The following BCAT1 variants were observed in gnomAD, a reference collection of about 807,000 sequenced individuals.
The protein encoded by BCAT1 is branched-chain-amino-acid aminotransferase, cytosolic.
Under a neutral mutation model 52.4 loss-of-function variants are expected in BCAT1, and 48 were observed. The ratio of observed to expected loss-of-function variants is 0.92; its 90% confidence interval spans 0.73 to 1.16. The LOEUF (loss-of-function observed/expected upper bound fraction) is 1.16, where lower values mean the gene tolerates loss of function less well. Among genes scored for constraint, BCAT1 ranks in the 50% most tolerant of loss-of-function variants. The pLI, the probability that BCAT1 is intolerant of heterozygous loss-of-function variation, is 0.00. For missense variants in BCAT1, 451 were observed against 457.1 expected (o/e 0.99, Z 0.12); for synonymous variants, 167 against 161.3 (o/e 1.04, Z -0.27).
chr12:24,914,268 A>G (rs1327230382), intron 1 of BCAT1, among the ~76,000 whole-genome samples: 1 of 151,968 alleles, frequency 6.6e-6, no homozygotes, highest in Non-Finnish European at 1.5e-5. Context: ...TTTTTGGTAG[A>G]GACAGGGTTT....
At chr12:24,902,131 G>T (rs768448348) in intron 1 of BCAT1, 345 of 1,448,726 alleles carry the variant, frequency 2.4e-4, no homozygotes, top group Non-Finnish European at 2.9e-4. Flanking sequence ...CCGGCTCAGG[G>T]AAGACTGGTT....
chr12:24,925,281 G>A (rs555994760), intron 1 of BCAT1, among the ~76,000 whole-genome samples: 1 of 152,164 alleles, frequency 6.6e-6, no homozygotes, highest in East Asian at 1.9e-4. Flanking sequence ...TACCTGACCT[G>A]CCCTGCAAAT....
intron 10 of BCAT1, 97 bp from the exon 11 acceptor site, chr12:24,818,146 T>G: frequency 8.1e-7 from 1 of 1,227,386 alleles, no homozygotes; most frequent in Non-Finnish European, 1.2e-6. Flanking sequence ...ACACAAAAGG[T>G]TCGCTTCTGC....
chr12:24,817,992 A>C lies in BCAT1; in HGVS notation c.*16T>G. 1 of 1,611,756 alleles carries C rather than the reference A, an allele frequency of 6.2e-7. No individual in the cohort carries two copies. Among genetic ancestry groups the C allele is most frequent in the South Asian group, 1.1e-5 (1 of 91,002 alleles). On this transcript the variant is annotated 3_prime_UTR_variant, in exon 11 of 11. Transcript: ENST00000261192. ...GTTGGTATCCTCTATTTTCCATTGT[A>C]TCCTCTATTTTCCATTCAGGATAGC...
intron 1 of BCAT1, among the ~76,000 whole-genome samples, chr12:24,932,881 G>A (rs980821351): frequency 5.9e-5 from 9 of 151,528 alleles, no homozygotes; most frequent in African/African-American, 1.9e-4. Context: ...GCGCAACCTC[G>A]GCTCACTGCA....
Position 24,817,929 on chromosome 12 carries a change from C to T in BCAT1, c.*79G>A. The T allele has an allele frequency of 6.8e-7, 1 of 1,467,784 alleles. No homozygotes were observed. Among genetic ancestry groups the T allele is most frequent in the Admixed American group, 1.8e-5 (1 of 57,064 alleles). 90.9% of individuals were successfully genotyped at this position (1,467,784 alleles called of 1,614,324 possible). On this transcript the variant is annotated 3_prime_UTR_variant, in exon 11 of 11. Coordinates refer to ENST00000261192, the MANE Select transcript of BCAT1 (RefSeq NM_005504.7). The stretch of plus-strand genomic sequence containing the variant: ...TGCACAGGTAGCCAAAGAAATCTAT[C>T]ACAATTCAAATGCAACAGTCTGTCC...
At chr12:24,912,476 C>T (rs1022768114) in intron 1 of BCAT1, among the ~76,000 whole-genome samples, 2 of 152,058 alleles carry the variant, frequency 1.3e-5, no homozygotes, top group Non-Finnish European at 1.5e-5. Flanking sequence ...GCCAAGATTG[C>T]GCCACTGCAC....
rs1408128201 is a variant in BCAT1, at chr12:24,814,998, T to C, written c.*3010A>G. ...CAGGTGTTATAAATTTATTCATTCC[T>C]GTGCTAGAGAGCATGGAACACATCT... On this transcript the variant is annotated 3_prime_UTR_variant, in exon 11 of 11. Coordinates refer to ENST00000261192, the MANE Select transcript of BCAT1 (RefSeq NM_005504.7). 1 of 152,178 alleles carries C rather than the reference T, an allele frequency of 6.6e-6. No homozygotes were observed. Among genetic ancestry groups the C allele is most frequent in the Non-Finnish European group, 1.5e-5 (1 of 68,016 alleles). 9.4% of individuals were successfully genotyped at this position (152,178 alleles called of 1,614,324 possible).
intron 10 of BCAT1, among the ~76,000 whole-genome samples, chr12:24,826,986 T>G (rs1940428738): frequency 6.6e-6 from 1 of 152,206 alleles, no homozygotes. Flanking sequence ...ATGTTGATTT[T>G]ATATCCTGCA....
At chr12:24,906,338 G>A (rs1943224936) in intron 1 of BCAT1, among the ~76,000 whole-genome samples, 1 of 152,132 alleles carries the variant, frequency 6.6e-6, no homozygotes. Context: ...TTGAGGGGAT[G>A]AGGAGGAGTC....
At chr12:24,916,701 T>C (rs1943414970) in intron 1 of BCAT1, among the ~76,000 whole-genome samples, 1 of 151,886 alleles carries the variant, frequency 6.6e-6, no homozygotes, top group South Asian at 2.1e-4. Flanking sequence ...CCACCGCGCC[T>C]GGTTAATCTT....
chr12:24,906,911 C>T (rs1307341815), intron 1 of BCAT1, among the ~76,000 whole-genome samples: 1 of 152,226 alleles, frequency 6.6e-6, no homozygotes, highest in Non-Finnish European at 1.5e-5. Context: ...AGCCTTGCTT[C>T]TCTTTAAGCC....
chr12:24,917,367 A>G (rs1002326385), intron 1 of BCAT1, among the ~76,000 whole-genome samples: 4 of 152,078 alleles, frequency 2.6e-5, no homozygotes, highest in Non-Finnish European at 5.9e-5. Flanking sequence ...TGTTTTTAGT[A>G]GAGATGGGGT....
intron 10 of BCAT1, 141 bp from the exon 11 acceptor site, chr12:24,818,190 A>G: frequency 1.3e-6 from 1 of 762,260 alleles, no homozygotes; most frequent in South Asian, 1.7e-5. Context: ...ACATGTTCAC[A>G]TTAAAAACTG....
intron 1 of BCAT1, among the ~76,000 whole-genome samples, chr12:24,926,666 CG>C (rs1311304182): frequency 6.6e-6 from 1 of 152,132 alleles, no homozygotes; most frequent in African/African-American, 2.4e-5. Context: ...ACCCCCAACC[CG>C]GTGCTCTCTG....
chr12:24,920,117 A>G (rs1201584663), intron 1 of BCAT1, among the ~76,000 whole-genome samples: 3 of 152,194 alleles, frequency 2.0e-5, no homozygotes, highest in Admixed American at 1.3e-4. Context: ...AATAATATTA[A>G]TAATAGAGTT....
chr12:24,874,446 G>C (rs1347235862), intron 5 of BCAT1, among the ~76,000 whole-genome samples: 1 of 152,200 alleles, frequency 6.6e-6, no homozygotes, highest in Non-Finnish European at 1.5e-5. Context: ...TTATATGGCA[G>C]TGACTGAATC....
chr12:24,829,477 T>G (rs183230959), intron 10 of BCAT1, among the ~76,000 whole-genome samples: 80 of 152,358 alleles, frequency 5.3e-4, no homozygotes, highest in African/African-American at 1.9e-3. Context: ...GCTTCTACTT[T>G]CAAATTTTTT....
chr12:24,907,487 A>T (rs557072286), intron 1 of BCAT1, among the ~76,000 whole-genome samples: 1 of 152,342 alleles, frequency 6.6e-6, no homozygotes, highest in East Asian at 1.9e-4. Flanking sequence ...AGATCAACAA[A>T]AGTGAAAATA....
Sources: gnomAD v4.1 joint callset for allele counts (sites outside exome capture counted in the v4.1 genomes callset) on GRCh38, gnomAD v4.1.1 for gene constraint, MANE v1.5 for transcripts, NCBI Gene and HGNC (gene_info 2026-07-23, HGNC 2026-07-21) for gene names.